Variants in TRIM14 observed in about 807,000 individuals in gnomAD.
The protein encoded by TRIM14 is tripartite motif containing 14.
TRIM14 carries 28 observed loss-of-function variants against 44.5 expected under a neutral mutation model. That is an observed-to-expected ratio of 0.63 (90% confidence interval 0.47 to 0.86). The LOEUF (loss-of-function observed/expected upper bound fraction) is 0.86, where lower values mean the gene tolerates loss of function less well. Ranked by LOEUF, TRIM14 falls within the 40% of genes least tolerant of loss-of-function variation. The probability of loss-of-function intolerance (pLI) is 0.00; values close to 1 mark genes in which losing one functional copy is unlikely to be tolerated. For missense variants in TRIM14, 607 were observed against 611.1 expected, an observed-to-expected ratio of 0.99 and a Z score of 0.07; for synonymous variants, 299 against 269.2, an observed-to-expected ratio of 1.11 and a Z score of -1.08.
chr9:98,111,982 G>A (rs12348086), intron 1 of TRIM14, among the ~76,000 whole-genome samples: 16,818 of 151,920 alleles, frequency 0.11, 2,788 homozygotes, highest in African/African-American at 0.36. Flanking sequence ...TTAATATCAT[G>A]TTATGTTAAA....
chr9:98,093,890 T>G (rs1257210516), intron 4 of TRIM14, among the ~76,000 whole-genome samples: 2 of 152,034 alleles, frequency 1.3e-5, no homozygotes, highest in African/African-American at 4.8e-5. Context: ...GGATTACAGG[T>G]GCATGCCACC....
intron 6 of TRIM14, among the ~76,000 whole-genome samples, chr9:98,070,142 CAG>C (rs1398968078): frequency 5.3e-5 from 8 of 152,060 alleles, no homozygotes; most frequent in African/African-American, 1.7e-4. Flanking sequence ...TTTTTTGAGA[CAG>C]AGTCTTGCTG....
the TRIM14 span, among the ~76,000 whole-genome samples, chr9:98,059,708 C>G: frequency 2.0e-5 from 3 of 152,012 alleles, no homozygotes; most frequent in African/African-American, 7.2e-5. Flanking sequence ...GGCCACTGTG[C>G]CTGACCTCTT....
Position 98,119,005 on chromosome 9 carries a change from G to C in TRIM14, c.184C>G (p.Leu62Val), listed in dbSNP as rs573252148. 1.2e-5 allele frequency: 18 copies of C among 1,560,360 alleles called. No individual in the cohort carries two copies. The highest frequency in any genetic ancestry group is 2.3e-4 in the Middle Eastern group (1 of 4,384). The change falls in exon 1 of 6, where the codon CTG becomes GTG. Residue 62 changes from leucine (L) to valine (V), a missense_variant. Leu to Val is a conservative substitution (Grantham distance 32, BLOSUM62 1). Around this residue, in one of 3 missense-constraint regions of TRIM14, gnomAD observed 246 missense variants for 270.8 expected, o/e 0.91. Coordinates refer to ENST00000341469, the MANE Select transcript of TRIM14 (RefSeq NM_014788.4). ...AHRGHPVGLA[L>V]EAAVHVQKLS... ...ACCTGCACGTGCACCGCTGCCTCCA[G>C]CGCCAGGCCCACAGGGTGGCCACGG...
chr9:98,066,142 T>C (rs549115144), downstream of TRIM14, among the ~76,000 whole-genome samples: 2 of 152,266 alleles, frequency 1.3e-5, no homozygotes, highest in Admixed American at 6.5e-5. Context: ...GAATCCATAG[T>C]AAGGAGAAAT....
At chr9:98,096,970 G>C (rs563450710) in intron 3 of TRIM14, among the ~76,000 whole-genome samples, 2 of 152,336 alleles carry the variant, frequency 1.3e-5, no homozygotes, top group African/African-American at 4.8e-5. Flanking sequence ...AAGGTGGGCA[G>C]ATCACTTGAG....
the TRIM14 span, among the ~76,000 whole-genome samples, chr9:98,044,642 G>T: frequency 6.6e-6 from 1 of 152,020 alleles, no homozygotes; most frequent in East Asian, 1.9e-4. Context: ...AAAGTGCTGG[G>T]ATTACAGGCA....
At position 98,094,881 on chromosome 9, in the gene TRIM14, A is replaced by G. The variant is rs1399136845; in HGVS notation, c.686T>C (p.Ile229Thr). The part of the protein sequence containing the change: ...VESTLQTPLD[I>T]RLKESINCQL... ...CGGCGACTTACTTTCCTTAAGGCGA[A>G]TGTCCAATGGCGTCTGTAATGTACT... Residue 229 changes from isoleucine (I) to threonine (T), a missense_variant, in exon 4 of 6, where the codon ATT (isoleucine) becomes ACT (threonine). Around this residue, in one of 3 missense-constraint regions of TRIM14, gnomAD observed 356 missense variants for 323.0 expected, o/e 1.10. Transcript: ENST00000341469. The G allele has an allele frequency of 1.2e-6, 2 of 1,613,844 alleles. No homozygotes were observed.
downstream of TRIM14, chr9:98,081,098 C>T (rs757900217): frequency 1.4e-5 from 22 of 1,613,874 alleles, no homozygotes; most frequent in Non-Finnish European, 1.8e-5. Context: ...TCCTGCCGGA[C>T]TCTACTCGGT....
At chr9:98,080,850 GGTA>G, downstream of TRIM14, 1 of 1,607,904 alleles carries the variant, frequency 6.2e-7, no homozygotes, top group Non-Finnish European at 8.5e-7. Context: ...ATTCCCATAG[GGTA>G]TTCTGGGCAT....
intron 6 of TRIM14, among the ~76,000 whole-genome samples, chr9:98,074,003 G>A (rs2117888451): frequency 6.6e-6 from 1 of 152,036 alleles, no homozygotes; most frequent in South Asian, 2.1e-4. Context: ...CTAGGCTGGT[G>A]TCAAACTCCT....
At position 98,087,573 on chromosome 9, in the gene TRIM14, C is replaced by G; in HGVS notation, c.1226G>C (p.Gly409Ala). 2 of 1,597,250 alleles carry G rather than the reference C, an allele frequency of 1.3e-6. No homozygotes were observed. Among genetic ancestry groups the G allele is most frequent in the Admixed American group, 1.7e-5 (1 of 57,836 alleles). Residue 409 changes from glycine to alanine, a missense_variant, in exon 6 of 6, where the codon GGC becomes GCC. Around this residue, in one of 3 missense-constraint regions of TRIM14, gnomAD observed 356 missense variants for 323.0 expected, o/e 1.10. Coordinates refer to ENST00000341469, the MANE Select transcript of TRIM14 (RefSeq NM_014788.4). ...AGVLAFYDVT[G>A]GMSHLHTFRA... Reference sequence around the variant, plus strand: ...GAAGGTATGCAGGTGGCTCATGCCGCCCGTCACGTCGTAGAAGGCGAGGAC... The same window carrying G: ...GAAGGTATGCAGGTGGCTCATGCCGGCCGTCACGTCGTAGAAGGCGAGGAC...
At chr9:98,057,268 G>A in the TRIM14 span, among the ~76,000 whole-genome samples, 2 of 152,216 alleles carry the variant, frequency 1.3e-5, no homozygotes, top group South Asian at 2.1e-4. Context: ...CGCGGGTAGA[G>A]TCGAAACCCT....
chr9:98,043,657 C>A, the TRIM14 span, among the ~76,000 whole-genome samples: 2 of 150,994 alleles, frequency 1.3e-5, no homozygotes, highest in Non-Finnish European at 2.9e-5. Context: ...TACACACACA[C>A]AGAGAGAGAT....
chr9:98,068,456 TC>T (rs527779428), downstream of TRIM14, among the ~76,000 whole-genome samples: 293 of 152,026 alleles, frequency 1.9e-3, no homozygotes, highest in African/African-American at 6.8e-3. Flanking sequence ...CTTTTTTTTT[TC>T]CTTTATTTCT....
chr9:98,083,305 G>A (rs1233828546), downstream of TRIM14, among the ~76,000 whole-genome samples: 2 of 152,228 alleles, frequency 1.3e-5, no homozygotes, highest in African/African-American at 4.8e-5. Context: ...ATTATAAACA[G>A]AGCACCAGAA....
chr9:98,059,863 C>G, the TRIM14 span, among the ~76,000 whole-genome samples: 1 of 151,924 alleles, frequency 6.6e-6, no homozygotes, highest in East Asian at 1.9e-4. Context: ...AAGAAAATGT[C>G]ATGGAGAAAA....
chr9:98,042,061 G>A, the TRIM14 span, among the ~76,000 whole-genome samples: 1 of 151,720 alleles, frequency 6.6e-6, no homozygotes, highest in South Asian at 2.1e-4. Context: ...TTGGGAGGCT[G>A]AGGCGGCGGA....
the TRIM14 span, among the ~76,000 whole-genome samples, chr9:98,059,181 A>C: frequency 6.6e-6 from 1 of 151,574 alleles, no homozygotes; most frequent in Admixed American, 6.6e-5. Context: ...CCACCACCAC[A>C]CCTAGCTAAT....
Sources: allele counts gnomAD v4.1 joint callset (sites outside exome capture counted in the v4.1 genomes callset), GRCh38; gene constraint gnomAD v4.1.1; regional missense constraint gnomAD v4.1.1; transcripts MANE v1.5; gene names NCBI Gene and HGNC (gene_info 2026-07-23, HGNC 2026-07-21).